PACS2: variants seen among roughly 807,000 people sequenced by gnomAD.
The protein encoded by PACS2 is phosphofurin acidic cluster sorting protein 2.
In PACS2, 36 loss-of-function variants were observed where a neutral mutation model predicts 113.0. The ratio of observed to expected loss-of-function variants is 0.32; its 90% confidence interval spans 0.24 to 0.42. The LOEUF (loss-of-function observed/expected upper bound fraction) is 0.42. PACS2 is among the 10% of genes least tolerant of loss of function. The pLI, the probability that PACS2 is intolerant of heterozygous loss-of-function variation, is 1.00. For missense variants in PACS2, 1,015 were observed against 1,239.5 expected, an observed-to-expected ratio of 0.82 and a Z score of 2.72; for synonymous variants, 589 against 536.1, an observed-to-expected ratio of 1.10 and a Z score of -1.36.
rs2060979356 is a variant in PACS2 at position 105,367,469 on chromosome 14, C to T, written c.586+94C>T. 10 of 1,301,080 alleles carry T rather than the reference C, an allele frequency of 7.7e-6. No homozygotes were observed. The South Asian group carries it at 1.2e-4, about 16-fold the overall frequency. The allele number at this position is 1,301,080 out of a possible 1,614,324, so 80.6% of individuals were successfully genotyped here. On this transcript the variant is annotated intron_variant, in intron 5 of 24. Transcript: ENST00000447393. ...GGGTGGCAGAAACTGTCCAGCCTGG[C>T]TTAAGGAGTTGGGGGTCCGGAGCAC...
intron 1 of PACS2, among the ~76,000 whole-genome samples, chr14:105,341,731 G>A (rs1461125193): frequency 6.6e-6 from 1 of 152,244 alleles, no homozygotes; most frequent in African/African-American, 2.4e-5. Context: ...TAGAGACAGA[G>A]TCTTGCCGTG....
intron 2 of PACS2, among the ~76,000 whole-genome samples, chr14:105,351,171 G>A (rs765057270): frequency 4.8e-4 from 73 of 152,212 alleles, no homozygotes; most frequent in Non-Finnish European, 8.7e-4. Context: ...CTGGGACCCC[G>A]CAGCGGCTGC....
intron 1 of PACS2, among the ~76,000 whole-genome samples, chr14:105,347,585 ACT>A (rs1423352143): frequency 3.3e-5 from 5 of 152,182 alleles, no homozygotes; most frequent in Admixed American, 1.3e-4. Context: ...GCCACTCAGA[ACT>A]TGTTGGTCTT....
intron 1 of PACS2, among the ~76,000 whole-genome samples, chr14:105,338,507 G>A (rs1318408952): frequency 2.6e-5 from 4 of 152,112 alleles, no homozygotes; most frequent in African/African-American, 9.7e-5. Context: ...GCCACAGCTC[G>A]CTCACCCCAG....
intron 1 of PACS2, among the ~76,000 whole-genome samples, chr14:105,303,120 G>T (rs902355135): frequency 6.6e-6 from 1 of 152,122 alleles, no homozygotes; most frequent in Non-Finnish European, 1.5e-5. Context: ...GTAGAGATGG[G>T]GTTTCACCAT....
In PACS2 at chr14:105,317,074, A is replaced by G. The variant is rs2058691724; in HGVS notation, c.119+2037A>G. 6.6e-6 allele frequency among the ~76,000 whole-genome samples: 1 copy of G among 152,088 alleles called. No homozygotes were observed. The highest frequency in any genetic ancestry group is 1.5e-5 in the Non-Finnish European group (1 of 68,008). On this transcript the variant is annotated intron_variant, in intron 1 of 24. Coordinates refer to ENST00000447393, the MANE Select transcript of PACS2 (RefSeq NM_001100913.3). The surrounding 1 kb of genome is among the most constrained non-coding windows in gnomAD (Gnocchi z 4.2). The stretch of plus-strand genomic sequence containing the variant: ...TCCGTGCATCCTCGGACAGTCTGCT[A>G]CTTAGTTTTGCTTTGTTCCTCCTGA...
chr14:105,372,534 A>C (rs1434981602), intron 8 of PACS2: 1 of 152,230 alleles, frequency 6.6e-6, no homozygotes. Context: ...AAAATAGATA[A>C]AATGGTAAAT....
chr14:105,386,370 G>A (rs1171664612), intron 19 of PACS2, among the ~76,000 whole-genome samples: 2 of 152,172 alleles, frequency 1.3e-5, no homozygotes, highest in African/African-American at 4.8e-5. Flanking sequence ...CCAGCAGAGA[G>A]GGGTTTCCAG....
At chr14:105,326,486 C>T (rs150879079) in intron 1 of PACS2, among the ~76,000 whole-genome samples, 6 of 152,362 alleles carry the variant, frequency 3.9e-5, no homozygotes, top group East Asian at 1.9e-4. Flanking sequence ...TTGGGCTGTT[C>T]GTTCCTCTGA....
chr14:105,385,220 G>A (rs1169589324), intron 18 of PACS2, among the ~76,000 whole-genome samples: 1 of 152,228 alleles, frequency 6.6e-6, no homozygotes, highest in African/African-American at 2.4e-5. Flanking sequence ...TGTGCATGTT[G>A]AAACCCCGCG....
chr14:105,362,199 A>G (rs1384960873), intron 4 of PACS2, among the ~76,000 whole-genome samples: 2 of 151,892 alleles, frequency 1.3e-5, no homozygotes, highest in African/African-American at 2.4e-5. Flanking sequence ...TGGGCGGATC[A>G]CGAGGTCAGG....
chr14:105,313,665 G>A (rs757870868), upstream of PACS2, among the ~76,000 whole-genome samples: 22 of 152,276 alleles, frequency 1.4e-4, no homozygotes, highest in Non-Finnish European at 2.9e-4. Context: ...ACCAGCTCCA[G>A]GTCAATTTGC....
At position 105,315,583 on chromosome 14, in the gene PACS2, C is replaced by T. The variant is rs980541900; in HGVS notation, c.119+546C>T. The T allele has an allele frequency of 1.3e-5, 2 of 152,412 alleles. No individual in the cohort carries two copies. Among genetic ancestry groups the T allele is most frequent in the East Asian group, 3.9e-4 (2 of 5,182 alleles). 9.4% of individuals were successfully genotyped at this position (152,412 alleles called of 1,614,324 possible). On this transcript the variant is annotated intron_variant, in intron 1 of 24. Coordinates refer to ENST00000447393, the MANE Select transcript of PACS2 (RefSeq NM_001100913.3). This position sits in a 1 kb window ranked among gnomAD's most constrained non-coding sequence, Gnocchi z 4.4. The stretch of plus-strand genomic sequence containing the variant: ...GTTGGCGCTGTCTCTCATTTAGAGG[C>T]GTCGCCAAGCCAGTACTGCTATTTG...
chr14:105,321,908 T>G (rs1381487211), intron 1 of PACS2, among the ~76,000 whole-genome samples: 1 of 152,094 alleles, frequency 6.6e-6, no homozygotes, highest in Non-Finnish European at 1.5e-5. Flanking sequence ...TCAGCATGTA[T>G]CTAGATTTCA....
chr14:105,389,747 G>T (rs2081293863), intron 19 of PACS2: 2 of 601,462 alleles, frequency 3.3e-6, no homozygotes, highest in Non-Finnish European at 6.0e-6. Flanking sequence ...CATGTCAGAA[G>T]GGGCCCAGGC....
intron 1 of PACS2, among the ~76,000 whole-genome samples, chr14:105,328,551 C>T (rs775797961): frequency 2.0e-5 from 3 of 152,162 alleles, no homozygotes; most frequent in African/African-American, 4.8e-5. Context: ...GCTCTGGGCT[C>T]GCCATCCTTG....
intron 15 of PACS2, 200 bp from the exon 16 acceptor site, chr14:105,383,159 C>T: frequency 1.5e-6 from 1 of 666,254 alleles, no homozygotes; most frequent in Non-Finnish European, 2.6e-6. Context: ...GAAGCCTGGG[C>T]TGAGGCCATG....
At position 105,358,565 on chromosome 14, in the gene PACS2, G is replaced by A. The variant is rs782549093; in HGVS notation, c.423+3388G>A. 2.0e-5 allele frequency among the ~76,000 whole-genome samples: 3 copies of A among 152,234 alleles called. No homozygotes were observed. Among genetic ancestry groups the A allele is most frequent in the Non-Finnish European group, 4.4e-5 (3 of 68,036 alleles). ...CTGGGAGACGCAGGCATGCCAGCTGGTGGCCATTGTCTGAGGCTGGGGCCT... is the reference window on the plus strand; with the variant it reads ...CTGGGAGACGCAGGCATGCCAGCTGATGGCCATTGTCTGAGGCTGGGGCCT... On this transcript the variant is annotated intron_variant, in intron 4 of 24. Coordinates refer to ENST00000447393, the MANE Select transcript of PACS2 (RefSeq NM_001100913.3). This position sits in a 1 kb window ranked among gnomAD's most constrained non-coding sequence, Gnocchi z 4.9.
At chr14:105,311,174 A>C (rs587746561), upstream of PACS2, among the ~76,000 whole-genome samples, 100 of 152,202 alleles carry the variant, frequency 6.6e-4, no homozygotes, top group African/African-American at 2.4e-3. Context: ...GGATGGTCAC[A>C]AACTCCTGAC....
Sources: gnomAD v4.1 joint callset for allele counts (sites outside exome capture counted in the v4.1 genomes callset) on GRCh38, gnomAD v4.1.1 for gene constraint, Gnocchi (gnomAD v3.1) non-coding constraint, MANE v1.5 for transcripts, NCBI Gene and HGNC (gene_info 2026-07-23, HGNC 2026-07-21) for gene names.